The following RAB27A variants were observed in gnomAD, a reference collection of about 807,000 sequenced individuals.
The protein encoded by RAB27A is ras-related protein Rab-27A.
In RAB27A, 17 loss-of-function variants were observed where a neutral mutation model predicts 20.8. The observed-to-expected ratio is 0.82, with a 90% confidence interval of 0.56 to 1.23. The LOEUF is 1.23. Among genes scored for constraint, RAB27A ranks in the 50% most tolerant of loss-of-function variants. The pLI is 0.00. For synonymous variants in RAB27A, 85 were observed against 92.8 expected, an observed-to-expected ratio of 0.92 and a Z score of 0.48; for missense variants, 277 against 266.7, an observed-to-expected ratio of 1.04 and a Z score of -0.27.
At position 55,205,605 on chromosome 15, in the gene RAB27A, C is replaced by T. The variant is rs373846556; in HGVS notation, c.568G>A (p.Asp190Asn). Residue 190 changes from aspartate to asparagine, a missense_variant, in exon 7 of 7, where the codon GAC becomes AAC. Asp to Asn is a conservative substitution (Grantham distance 23). Transcript: ENST00000336787. Reference sequence around the variant, plus strand: ...ACTCCTTCAGGAATCCAGGACTTGTCCACACACCGTTCCATTCGCTTCATT... The same window carrying T: ...ACTCCTTCAGGAATCCAGGACTTGTTCACACACCGTTCCATTCGCTTCATT... ...LIMKRMERCVDKSWIPEGVVR... is the reference protein window; with the variant it reads ...LIMKRMERCVNKSWIPEGVVR... 4.3e-6 allele frequency: 7 copies of T among 1,614,024 alleles called. No homozygotes were observed. The African/African-American group carries it at 9.3e-5, about 22-fold the overall frequency.
intron 2 of RAB27A, among the ~76,000 whole-genome samples, chr15:55,300,735 AG>A (rs1867888948): frequency 6.6e-6 from 1 of 152,100 alleles, no homozygotes; most frequent in Non-Finnish European, 1.5e-5. Flanking sequence ...TCATAAAGGC[AG>A]GGGGCGAGGG....
intron 2 of RAB27A, among the ~76,000 whole-genome samples, chr15:55,305,648 C>A (rs996819973): frequency 6.6e-6 from 1 of 150,886 alleles, no homozygotes; most frequent in South Asian, 2.1e-4. Context: ...TTCTTGGTGA[C>A]AATTCCAGAT....
At chr15:55,294,065 C>T (rs1186572621), upstream of RAB27A, among the ~76,000 whole-genome samples, 3 of 151,756 alleles carry the variant, frequency 2.0e-5, no homozygotes, top group East Asian at 5.8e-4. Flanking sequence ...TATGAAATTG[C>T]AAAGGACCCA....
chr15:55,242,129 A>T (rs971872207), intron 2 of RAB27A, among the ~76,000 whole-genome samples: 15 of 152,304 alleles, frequency 9.8e-5, no homozygotes, highest in Middle Eastern at 3.4e-3. Flanking sequence ...TACTCTAGAT[A>T]GGTCAGCCAT....
At chr15:55,284,114 T>G (rs1898088048) in intron 1 of RAB27A, among the ~76,000 whole-genome samples, 1 of 152,220 alleles carries the variant, frequency 6.6e-6, no homozygotes, top group African/African-American at 2.4e-5. Context: ...TTCTGAAATA[T>G]GGTATTCAAA....
intron 2 of RAB27A, among the ~76,000 whole-genome samples, chr15:55,250,466 T>C: frequency 6.6e-6 from 1 of 152,220 alleles, no homozygotes; most frequent in Admixed American, 6.5e-5. Flanking sequence ...CTTCTCTCCT[T>C]TGCTTAATCA....
intron 2 of RAB27A, among the ~76,000 whole-genome samples, chr15:55,248,168 G>A (rs1323572507): frequency 6.6e-6 from 1 of 151,978 alleles, no homozygotes; most frequent in Admixed American, 6.6e-5. Flanking sequence ...GGTACATGGT[G>A]GCATGCTAAA....
chr15:55,276,903 C>T (rs886848927), intron 1 of RAB27A, among the ~76,000 whole-genome samples: 3 of 152,002 alleles, frequency 2.0e-5, no homozygotes, highest in African/African-American at 7.3e-5. Flanking sequence ...TTGATGGTGG[C>T]GATGGTTTCA....
chr15:55,264,567 A>G (rs1595731423), intron 2 of RAB27A, among the ~76,000 whole-genome samples: 2 of 152,330 alleles, frequency 1.3e-5, no homozygotes, highest in African/African-American at 4.8e-5. Context: ...AGTGTTCACA[A>G]CACATAGGAA....
rs759339404 is a variant in RAB27A at position 55,243,196 on chromosome 15, AG to A, written c.-22-8241del. On this transcript the variant is annotated intron_variant, in intron 2 of 6. Coordinates refer to ENST00000336787, the MANE Select transcript of RAB27A (RefSeq NM_183235.3). ...CTTCTTGCTGGTCATTGCAAATCCAAGAAAAAAAAATAACTCTTCTTAATAC... is the reference window on the plus strand; with the variant it reads ...CTTCTTGCTGGTCATTGCAAATCCAAAAAAAAAAATAACTCTTCTTAATAC... Among the ~76,000 whole-genome samples, 3 of 152,118 alleles carry A rather than the reference AG, an allele frequency of 2.0e-5. No individual in the cohort carries two copies. The East Asian group carries it at 5.8e-4, about 29-fold the overall frequency.
chr15:55,288,778 T>A (rs550927942), intron 1 of RAB27A: 2 of 152,174 alleles, frequency 1.3e-5, no homozygotes, highest in African/African-American at 2.4e-5. Context: ...CAGAAACTGT[T>A]TTCCAGATTG....
chr15:55,315,575 C>T (rs1309695119), intron 1 of RAB27A, among the ~76,000 whole-genome samples: 1 of 152,034 alleles, frequency 6.6e-6, no homozygotes, highest in Non-Finnish European at 1.5e-5. Context: ...AAAACAACCC[C>T]ATCAAAAAGT....
At chr15:55,215,443 G>C (rs1042084234) in intron 6 of RAB27A, among the ~76,000 whole-genome samples, 2 of 149,702 alleles carry the variant, frequency 1.3e-5, no homozygotes, top group African/African-American at 2.5e-5. Flanking sequence ...ACGAGGTCAG[G>C]AGATCGAGAC....
intron 6 of RAB27A, among the ~76,000 whole-genome samples, chr15:55,212,471 G>A (rs1895071992): frequency 6.6e-6 from 1 of 152,162 alleles, no homozygotes; most frequent in African/African-American, 2.4e-5. Context: ...CTATATTTCT[G>A]GACCATACAC....
intron 1 of RAB27A, among the ~76,000 whole-genome samples, chr15:55,272,374 G>C (rs1228306403): frequency 6.6e-6 from 1 of 152,128 alleles, no homozygotes; most frequent in African/African-American, 2.4e-5. Context: ...ACTCCAGCTT[G>C]GGTGACAGAG....
intron 5 of RAB27A, among the ~76,000 whole-genome samples, chr15:55,224,852 A>G (rs1329995213): frequency 1.3e-5 from 2 of 152,230 alleles, no homozygotes; most frequent in Non-Finnish European, 2.9e-5. Flanking sequence ...ATCATGGTTA[A>G]CCAGAAAAGT....
chr15:55,263,405 G>C (rs1350404017), intron 2 of RAB27A, among the ~76,000 whole-genome samples: 2 of 152,068 alleles, frequency 1.3e-5, no homozygotes, highest in Admixed American at 6.6e-5. Flanking sequence ...TTGAGATGCA[G>C]TCACTAGAGG....
chr15:55,258,418 G>C (rs1897159798), intron 2 of RAB27A, among the ~76,000 whole-genome samples: 1 of 152,234 alleles, frequency 6.6e-6, no homozygotes, highest in Non-Finnish European at 1.5e-5. Context: ...CTTGATCAAA[G>C]GCAATAGGTT....
upstream of RAB27A, among the ~76,000 whole-genome samples, chr15:55,291,845 T>C (rs1050794118): frequency 1.3e-5 from 2 of 152,182 alleles, no homozygotes; most frequent in African/African-American, 2.4e-5. Context: ...CAGGACTTAC[T>C]TGAGAGACCA....
Sources: allele counts gnomAD v4.1 joint callset (sites outside exome capture counted in the v4.1 genomes callset), GRCh38; gene constraint gnomAD v4.1.1; transcripts MANE v1.5; gene names NCBI Gene and HGNC (gene_info 2026-07-23, HGNC 2026-07-21).